ZPBP: variants seen among roughly 807,000 people sequenced by gnomAD.
ZPBP encodes the protein zona pellucida-binding protein 1.
A neutral mutation model predicts 44.8 loss-of-function variants in ZPBP; 26 were observed. The ratio of observed to expected loss-of-function variants is 0.58; its 90% CI spans 0.43 to 0.81. The LOEUF is 0.81. ZPBP is among the 30% of genes least tolerant of loss of function. The pLI is 0.00. For synonymous variants in ZPBP, 174 were observed against 153.2 expected (o/e 1.14, Z -1.00); for missense variants, 409 against 434.0 (o/e 0.94, Z 0.51).
At chr7:50,058,336 T>G (rs1267759177) in intron 3 of ZPBP, among the ~76,000 whole-genome samples, 195 bp from the exon 4 acceptor site, 1 of 152,210 alleles carries the variant, frequency 6.6e-6, no homozygotes, top group African/African-American at 2.4e-5. Context: ...AGATGTTCAC[T>G]AATCAGAGTT....
intron 6 of ZPBP, among the ~76,000 whole-genome samples, chr7:50,005,863 G>A (rs1182773021): frequency 7.7e-6 from 1 of 129,314 alleles, no homozygotes; most frequent in East Asian, 2.4e-4. Context: ...GTGTGTGTGT[G>A]TGTGTTTTGC....
At chr7:49,941,159 A>G (rs1280373073) in intron 7 of ZPBP, among the ~76,000 whole-genome samples, 1 of 152,190 alleles carries the variant, frequency 6.6e-6, no homozygotes, top group East Asian at 1.9e-4. Context: ...TTTATTGGTC[A>G]TGATGTGGAG....
At chr7:49,996,075 C>G (rs956724224) in intron 6 of ZPBP, among the ~76,000 whole-genome samples, 2 of 152,168 alleles carry the variant, frequency 1.3e-5, no homozygotes, top group African/African-American at 4.8e-5. Context: ...AATGTCCTGA[C>G]TTGATCATTA....
intron 2 of ZPBP, among the ~76,000 whole-genome samples, chr7:50,087,806 C>G (rs1351318571): frequency 1.3e-5 from 2 of 151,610 alleles, no homozygotes; most frequent in East Asian, 3.9e-4. Flanking sequence ...TGGAAAGACC[C>G]CCCAAGTTCA....
chr7:49,898,174 G>T (rs1792490104), intron 2 of ZPBP, among the ~76,000 whole-genome samples: 1 of 151,838 alleles, frequency 6.6e-6, no homozygotes, highest in South Asian at 2.1e-4. Context: ...TTATATGTGT[G>T]TGTGTATATA....
chr7:49,868,123 T>A (rs1036796956), intron 2 of ZPBP, among the ~76,000 whole-genome samples: 1 of 152,106 alleles, frequency 6.6e-6, no homozygotes, highest in Non-Finnish European at 1.5e-5. Context: ...CATAAGCCAC[T>A]GTGCCTGTCC....
intron 7 of ZPBP, among the ~76,000 whole-genome samples, chr7:49,945,304 G>T (rs1562792140): frequency 6.6e-6 from 1 of 152,010 alleles, no homozygotes; most frequent in Non-Finnish European, 1.5e-5. Flanking sequence ...CTGAGGAGAA[G>T]AATGTGTATT....
intron 7 of ZPBP, among the ~76,000 whole-genome samples, chr7:49,938,172 C>T (rs540293019): frequency 1.3e-5 from 2 of 152,316 alleles, no homozygotes; most frequent in East Asian, 3.9e-4. Context: ...GAGGTCAACA[C>T]TACAGGAAGA....
intron 7 of ZPBP, among the ~76,000 whole-genome samples, chr7:49,949,910 T>C (rs73349131): frequency 0.014 from 2,197 of 152,042 alleles, 63 homozygotes; most frequent in African/African-American, 0.05. Context: ...AATAACAGAG[T>C]TTCTTCCACC....
chr7:49,948,349 T>C (rs1795192296), intron 7 of ZPBP, among the ~76,000 whole-genome samples: 1 of 152,182 alleles, frequency 6.6e-6, no homozygotes, highest in Non-Finnish European at 1.5e-5. Flanking sequence ...TTTTACGTGA[T>C]ACCAAAAGCA....
At chr7:49,954,491 G>T (rs1330747869) in intron 7 of ZPBP, among the ~76,000 whole-genome samples, 1 of 152,052 alleles carries the variant, frequency 6.6e-6, no homozygotes, top group Admixed American at 6.6e-5. Flanking sequence ...ATATTATCAA[G>T]AACTTTGCAA....
chr7:50,077,328 G>A (rs1320667550), intron 3 of ZPBP, among the ~76,000 whole-genome samples: 1 of 150,894 alleles, frequency 6.6e-6, no homozygotes, highest in Non-Finnish European at 1.5e-5. Flanking sequence ...CCAGGACACT[G>A]GTCTGGGAAA....
At chr7:49,983,268 G>A in intron 7 of ZPBP, 74 bp downstream of exon 7, 12 of 1,213,692 alleles carry the variant, frequency 9.9e-6, no homozygotes, top group African/African-American at 1.5e-5. Flanking sequence ...TAAGTGATAT[G>A]CATTCACTTA....
intron 2 of ZPBP, among the ~76,000 whole-genome samples, chr7:49,874,210 C>T (rs1466271853): frequency 6.6e-6 from 1 of 152,154 alleles, no homozygotes; most frequent in African/African-American, 2.4e-5. Flanking sequence ...TCATGTGCCT[C>T]ATAACCACAT....
At chr7:50,042,534 T>A (rs1482677843) in intron 4 of ZPBP, among the ~76,000 whole-genome samples, 1 of 152,150 alleles carries the variant, frequency 6.6e-6, no homozygotes, top group Non-Finnish European at 1.5e-5. Context: ...AAAGAAAAGA[T>A]TATTCAACCC....
At chr7:50,069,292 T>G (rs940327255) in intron 3 of ZPBP, among the ~76,000 whole-genome samples, 2 of 152,178 alleles carry the variant, frequency 1.3e-5, no homozygotes, top group African/African-American at 2.4e-5. Context: ...ACTTTTTTTT[T>G]GTCTCAGCTT....
downstream of ZPBP, among the ~76,000 whole-genome samples, chr7:49,933,435 C>G (rs981310536): frequency 1.6e-4 from 24 of 152,148 alleles, no homozygotes; most frequent in Admixed American, 4.6e-4. Context: ...GAAATAGGAA[C>G]AATTTTACAC....
At chr7:49,870,962 C>T (rs1562743114) in intron 2 of ZPBP, among the ~76,000 whole-genome samples, 1 of 152,162 alleles carries the variant, frequency 6.6e-6, no homozygotes, top group Non-Finnish European at 1.5e-5. Flanking sequence ...TAGAAGAAGA[C>T]CCCTTTGCAC....
intron 7 of ZPBP, among the ~76,000 whole-genome samples, chr7:49,954,884 T>C (rs1377525899): frequency 6.6e-6 from 1 of 152,206 alleles, no homozygotes; most frequent in Non-Finnish European, 1.5e-5. Flanking sequence ...AATAAACTTT[T>C]TATTCATGGG....
Sources: gnomAD v4.1 joint callset for allele counts (sites outside exome capture counted in the v4.1 genomes callset) on GRCh38, gnomAD v4.1.1 for gene constraint, MANE v1.5 for transcripts, NCBI Gene and HGNC (gene_info 2026-07-23, HGNC 2026-07-21) for gene names.